Variants in SLC7A11 observed in about 807,000 individuals in gnomAD.
SLC7A11 encodes the protein cystine/glutamate transporter.
In SLC7A11, 35 loss-of-function variants were observed where a neutral mutation model predicts 54.5. The ratio of observed to expected loss-of-function variants is 0.64; its 90% CI spans 0.49 to 0.85. SLC7A11 has a LOEUF of 0.85. Ranked by LOEUF, SLC7A11 falls within the 40% of genes least tolerant of loss-of-function variation. The pLI, the probability that SLC7A11 is intolerant of heterozygous loss-of-function variation, is 0.00. For missense variants in SLC7A11, 583 were observed against 618.1 expected (o/e 0.94, Z 0.60); for synonymous variants, 230 against 225.2 (o/e 1.02, Z -0.19).
Position 138,170,961 on chromosome 4 carries a change from A to G in SLC7A11, c.*995T>C, listed in dbSNP as rs1182432604. ...AATTCATCATCGTGTAAAAATAGCC[A>G]TAAATTTAAAAAACTTCAGAATTAC... is the stretch of plus-strand genomic sequence containing the variant. On this transcript the variant is annotated 3_prime_UTR_variant, in exon 12 of 12. Coordinates refer to ENST00000280612, the MANE Select transcript of SLC7A11 (RefSeq NM_014331.4). 1 of 152,220 alleles carries G rather than the reference A, an allele frequency of 6.6e-6. No individual in the cohort carries two copies. Among genetic ancestry groups the G allele is most frequent in the African/African-American group, 2.4e-5 (1 of 41,458 alleles). 9.4% of individuals were successfully genotyped at this position (152,220 alleles called of 1,614,324 possible).
chr4:138,180,776 C>T lies in SLC7A11; in HGVS notation c.1131G>A (p.Met377Ile), dbSNP rs1338903019. ...CGAGGTCTCCAGAGAAGAGCATTAT[C>T]ATTGTCAAAGGGTGCTGAGGGGGGA... ...PAVIVLHPLT[M>I]IMLFSGDLDS... The change falls in exon 10 of 12, where the codon ATG becomes ATA. Residue 377 changes from methionine to isoleucine, a missense_variant. Met to Ile is a conservative substitution (Grantham distance 10). Transcript: ENST00000280612. 6.2e-7 allele frequency: 1 copy of T among 1,612,482 alleles called. No individual in the cohort carries two copies. Among genetic ancestry groups the T allele is most frequent in the Admixed American group, 1.7e-5 (1 of 59,814 alleles).
intron 1 of SLC7A11, among the ~76,000 whole-genome samples, chr4:138,237,722 TA>T (rs1560742519): frequency 1.7e-3 from 18 of 10,324 alleles, no homozygotes; most frequent in Admixed American, 3.0e-3. Flanking sequence ...TATATATATA[TA>T]TATATATATA....
chr4:138,222,990 C>T (rs569244579), intron 4 of SLC7A11, among the ~76,000 whole-genome samples: 1 of 152,038 alleles, frequency 6.6e-6, no homozygotes, highest in Non-Finnish European at 1.5e-5. Context: ...GTTGCATGGC[C>T]CATTCTTAAT....
intron 6 of SLC7A11, among the ~76,000 whole-genome samples, chr4:138,209,289 T>C (rs75070628): frequency 0.016 from 2,441 of 152,084 alleles, 28 homozygotes; most frequent in Non-Finnish European, 0.026. Context: ...GAAAGTTGCA[T>C]GTTGCCGCAC....
chr4:138,187,012 T>C (rs1169125741), intron 6 of SLC7A11, among the ~76,000 whole-genome samples: 1 of 152,120 alleles, frequency 6.6e-6, no homozygotes, highest in African/African-American at 2.4e-5. Flanking sequence ...AAAAATGAAG[T>C]GACATTATTA....
At chr4:138,202,505 A>G (rs1482636180) in intron 6 of SLC7A11, among the ~76,000 whole-genome samples, 2 of 152,090 alleles carry the variant, frequency 1.3e-5, no homozygotes, top group Non-Finnish European at 2.9e-5. Flanking sequence ...GGATCTGGAA[A>G]ATGGCCATAG....
At position 138,240,553 on chromosome 4, in the gene SLC7A11, G is replaced by A. The variant is rs927435256; in HGVS notation, c.277+1240C>T. Among the ~76,000 whole-genome samples, 3 of 114,132 alleles carry A rather than the reference G, an allele frequency of 2.6e-5. No homozygotes were observed. The Admixed American group carries it at 3.0e-4, about 11-fold the overall frequency. The allele number at this position is 114,132 out of a possible 152,430, so 74.9% of individuals were successfully genotyped here. A position where few individuals can be genotyped will look rare whatever the true frequency, so the allele number is the denominator to read the frequency against. On this transcript the variant is annotated intron_variant, in intron 1 of 11. Transcript: ENST00000280612. Reference sequence around the variant, plus strand: ...CTGCACTCCAGCCTGGGCAAAGAGCGAGTCTCTGTCTCAAAAAAAAAAAAA... The same window carrying A: ...CTGCACTCCAGCCTGGGCAAAGAGCAAGTCTCTGTCTCAAAAAAAAAAAAA...
chr4:138,198,721 T>C (rs879698735), intron 6 of SLC7A11, among the ~76,000 whole-genome samples: 2 of 152,178 alleles, frequency 1.3e-5, no homozygotes, highest in Admixed American at 6.6e-5. Context: ...TAAGGATTTA[T>C]ATATGAAATG....
chr4:138,183,603 G>A (rs1462866992), intron 7 of SLC7A11, among the ~76,000 whole-genome samples: 2 of 152,088 alleles, frequency 1.3e-5, no homozygotes, highest in Non-Finnish European at 1.5e-5. Context: ...TATTGTCTCT[G>A]ACTCTGACAA....
At chr4:138,231,997 G>C (rs567168514) in intron 3 of SLC7A11, among the ~76,000 whole-genome samples, 5 of 152,140 alleles carry the variant, frequency 3.3e-5, no homozygotes, top group Admixed American at 2.0e-4. Flanking sequence ...TAAAAGTCTT[G>C]TTCATGTATA....
In SLC7A11 at chr4:138,166,233, T is replaced by A. The variant is rs764372665; in HGVS notation, c.*5723A>T. 5.9e-5 allele frequency: 9 copies of A among 152,160 alleles called. No homozygotes were observed. Among genetic ancestry groups the A allele is most frequent in the Non-Finnish European group, 1.2e-4 (8 of 68,012 alleles). The allele number at this position is 152,160 out of a possible 1,614,324, so 9.4% of individuals were successfully genotyped here. A position where few individuals can be genotyped will look rare whatever the true frequency, so the allele number is the denominator to read the frequency against. On this transcript the variant is annotated 3_prime_UTR_variant, in exon 12 of 12. Transcript: ENST00000280612. ...CTTCCAAGTATGCATCTAATAAAGTTAGTTAGTAGGAAAATTTGATGTCTA... is the reference window on the plus strand; with the variant it reads ...CTTCCAAGTATGCATCTAATAAAGTAAGTTAGTAGGAAAATTTGATGTCTA...
At chr4:138,217,736 T>C (rs1737713313) in intron 5 of SLC7A11, among the ~76,000 whole-genome samples, 1 of 152,208 alleles carries the variant, frequency 6.6e-6, no homozygotes, top group Non-Finnish European at 1.5e-5. Flanking sequence ...GAAAGCTTTC[T>C]CTACCTCCCC....
intron 6 of SLC7A11, among the ~76,000 whole-genome samples, chr4:138,195,634 T>C (rs72712336): frequency 0.06 from 9,139 of 152,250 alleles, 366 homozygotes; most frequent in Non-Finnish European, 0.086. Context: ...TTCTTCTAAG[T>C]AGGTCTCCCA....
intron 6 of SLC7A11, among the ~76,000 whole-genome samples, chr4:138,193,172 C>T (rs752870892): frequency 6.6e-6 from 1 of 152,108 alleles, no homozygotes; most frequent in Non-Finnish European, 1.5e-5. Context: ...GCTTCTACCA[C>T]CCAAAATTGC....
chr4:138,179,267 T>A lies in SLC7A11; in HGVS notation c.1394A>T (p.Tyr465Phe), dbSNP rs1736658539. 3 of 1,612,382 alleles carry A rather than the reference T, an allele frequency of 1.9e-6. No homozygotes were observed. The highest frequency in any genetic ancestry group is 1.3e-5 in the African/African-American group (1 of 74,802). ...TTTCTTGTCCCATATAATAAAGAGA[T>A]AATACGCAGGGACTCCAGTCAGAGT... ...VITLTGVPAY[Y>F]LFIIWDKKPR... Residue 465 changes from tyrosine to phenylalanine, a missense_variant, in exon 11 of 12, where the codon TAT becomes TTT. Coordinates refer to ENST00000280612, the MANE Select transcript of SLC7A11 (RefSeq NM_014331.4).
intron 3 of SLC7A11, among the ~76,000 whole-genome samples, chr4:138,225,846 TAGAG>T (rs981896816): frequency 2.0e-5 from 3 of 150,984 alleles, no homozygotes; most frequent in Non-Finnish European, 4.4e-5. Context: ...AACTGTTATA[TAGAG>T]AGAAAGAGAG....
chr4:138,200,846 G>A (rs1045121131), intron 6 of SLC7A11, among the ~76,000 whole-genome samples: 1 of 152,146 alleles, frequency 6.6e-6, no homozygotes, highest in Non-Finnish European at 1.5e-5. Context: ...GTGAATAGAA[G>A]AAGGTAACCA....
chr4:138,168,017 A>G lies in SLC7A11; in HGVS notation c.*3939T>C, dbSNP rs368880393. 2.1e-4 allele frequency: 32 copies of G among 152,344 alleles called. No individual in the cohort carries two copies. The East Asian group carries it at 5.2e-3, about 25-fold the overall frequency. The allele number at this position is 152,344 out of a possible 1,614,324, so 9.4% of individuals were successfully genotyped here. On this transcript the variant is annotated 3_prime_UTR_variant, in exon 12 of 12. Coordinates refer to ENST00000280612, the MANE Select transcript of SLC7A11 (RefSeq NM_014331.4). ...TCACTTGTTATATATGGATATTTCA[A>G]TTAACTCATAAATTTTTAAAAACAT...
chr4:138,185,008 G>A, intron 7 of SLC7A11, 113 bp downstream of exon 7: 1 of 1,201,316 alleles, frequency 8.3e-7, no homozygotes, highest in African/African-American at 1.5e-5. Flanking sequence ...TATTATTCAG[G>A]TCAAGAAAAG....
Sources: gnomAD v4.1 joint callset for allele counts (sites outside exome capture counted in the v4.1 genomes callset) on GRCh38, gnomAD v4.1.1 for gene constraint, MANE v1.5 for transcripts, NCBI Gene and HGNC (gene_info 2026-07-23, HGNC 2026-07-21) for gene names.